Variants in AKNAD1 observed in about 807,000 individuals in gnomAD.
AKNAD1 encodes AKNA domain containing 1.
Under a neutral mutation model 90.8 loss-of-function variants are expected in AKNAD1, and 67 were observed. The observed-to-expected ratio is 0.74, with a 90% CI of 0.61 to 0.90. The LOEUF is 0.90. Ranked by LOEUF, AKNAD1 falls within the 40% of genes least tolerant of loss-of-function variation. AKNAD1 has a pLI of 0.00. For synonymous variants in AKNAD1, 327 were observed against 341.4 expected (o/e 0.96, Z 0.46); for missense variants, 957 against 975.4 (o/e 0.98, Z 0.25).
rs770782439 is a variant in AKNAD1 at position 108,851,645 on chromosome 1, G to A, written c.993+27C>T. On this transcript the variant is annotated intron_variant, in intron 2 of 15. Coordinates refer to ENST00000370001, the MANE Select transcript of AKNAD1 (RefSeq NM_152763.5). ...GAGATAAGCAGTGGTCCCAATTAAT[G>A]TGTTTACAGGAGACTGTTTCATTTA... The A allele has an allele frequency of 8.5e-6, 13 of 1,532,602 alleles. No individual in the cohort carries two copies. In the Admixed American group the frequency reaches 1.1e-4, roughly 12 times the overall value. The allele number at this position is 1,532,602 out of a possible 1,614,324, so 94.9% of individuals were successfully genotyped here.
At chr1:108,841,008 T>A (rs1664534869) in intron 6 of AKNAD1, among the ~76,000 whole-genome samples, 1 of 151,964 alleles carries the variant, frequency 6.6e-6, no homozygotes. Context: ...CCGTCTTTAC[T>A]AAAAATATGA....
At chr1:108,843,697 G>T (rs1052315400) in intron 5 of AKNAD1, among the ~76,000 whole-genome samples, 2 of 152,208 alleles carry the variant, frequency 1.3e-5, no homozygotes, top group African/African-American at 4.8e-5. Context: ...GGAAATTGGA[G>T]CTCTAGCAAT....
chr1:108,820,180 G>T lies in AKNAD1; in HGVS notation c.2249+365C>A, dbSNP rs184053098. On this transcript the variant is annotated intron_variant, in intron 14 of 15. Transcript: ENST00000370001. ...TCACTGCCCCCAGATCCCCTTGCTA[G>T]TTCGTTCATACTTATCCTTCGAAGC... Among the ~76,000 whole-genome samples, 64 of 152,254 alleles carry T rather than the reference G, an allele frequency of 4.2e-4. 1 individual carries two copies. Among genetic ancestry groups the T allele is most frequent in the South Asian group, 3.3e-3 (16 of 4,824 alleles).
At chr1:108,850,029 G>A (rs1014374662) in intron 2 of AKNAD1, among the ~76,000 whole-genome samples, 1 of 152,182 alleles carries the variant, frequency 6.6e-6, no homozygotes, top group African/African-American at 2.4e-5. Context: ...TGCTGGTGCT[G>A]TCACTAACAC....
chr1:108,845,642 C>G (rs1035551705), intron 5 of AKNAD1, among the ~76,000 whole-genome samples: 1 of 152,240 alleles, frequency 6.6e-6, no homozygotes, highest in African/African-American at 2.4e-5. Context: ...TGCCAGAACC[C>G]TGACTGACAC....
intron 7 of AKNAD1, among the ~76,000 whole-genome samples, chr1:108,836,269 C>T (rs1664383005): frequency 6.6e-6 from 1 of 152,212 alleles, no homozygotes; most frequent in Non-Finnish European, 1.5e-5. Context: ...AGCAGGGCAG[C>T]CGCTGTGAGC....
Position 108,815,915 on chromosome 1 carries a change from C to A in AKNAD1, c.*256G>T, listed in dbSNP as rs941882904. 1.3e-5 allele frequency: 3 copies of A among 230,592 alleles called. No homozygotes were observed. Among genetic ancestry groups the A allele is most frequent in the Non-Finnish European group, 2.5e-5 (3 of 121,352 alleles). 14.3% of individuals were successfully genotyped at this position (230,592 alleles called of 1,614,324 possible). A position where few individuals can be genotyped will look rare whatever the true frequency, so the allele number is the denominator to read the frequency against. ...GAAATTCATTGTTTTGTTTTGATTT[C>A]TTTTATTATGAGTTAAGAAGAACAT... On this transcript the variant is annotated 3_prime_UTR_variant, in exon 16 of 16. Transcript: ENST00000370001.
Position 108,852,084 on chromosome 1 carries a change from G to T in AKNAD1, c.581C>A (p.Thr194Asn), listed in dbSNP as rs746401089. The part of the protein sequence containing the change: ...PGSATTTEEN[T>N]SDLEGPVAAG... ...AGCCACTGGCCCTTCTAAATCAGAGGTATTTTCCTCTGTCGTGGTGGCAGA... is the reference window on the plus strand; with the variant it reads ...AGCCACTGGCCCTTCTAAATCAGAGTTATTTTCCTCTGTCGTGGTGGCAGA... Residue 194 changes from threonine to asparagine, a missense_variant, in exon 2 of 16, where the codon ACC becomes AAC. Thr to Asn is a moderately conservative substitution (Grantham distance 65, BLOSUM62 0). Transcript: ENST00000370001. The T allele has an allele frequency of 1.2e-6, 2 of 1,614,130 alleles. No homozygotes were observed. Among genetic ancestry groups the T allele is most frequent in the Non-Finnish European group, 1.7e-6 (2 of 1,180,016 alleles).
At chr1:108,835,204 C>G in intron 7 of AKNAD1, 148 bp from the exon 8 acceptor site, 1 of 833,754 alleles carries the variant, frequency 1.2e-6, no homozygotes, top group Non-Finnish European at 1.8e-6. Flanking sequence ...AGCTCTTTAC[C>G]TAGCTGTCTT....
Position 108,817,100 on chromosome 1 carries a change from G to A in AKNAD1, c.2327C>T (p.Ser776Phe). 6.2e-7 allele frequency: 1 copy of A among 1,614,128 alleles called. No individual in the cohort carries two copies. The highest frequency in any genetic ancestry group is 1.3e-5 in the African/African-American group (1 of 75,028). Reference protein sequence around the residue: ...PSPHFYSCRISGSKSLCDFDS... With the variant: ...PSPHFYSCRIFGSKSLCDFDS... The stretch of plus-strand genomic sequence containing the variant: ...AAAGTCACATAAGGATTTGCTTCCA[G>A]AAATCCTGCAGGAGTAGAAATGGGG... Residue 776 changes from serine to phenylalanine, a missense_variant, in exon 15 of 16, where the codon TCT (serine) becomes TTT (phenylalanine). Coordinates refer to ENST00000370001, the MANE Select transcript of AKNAD1 (RefSeq NM_152763.5).
At chr1:108,836,494 G>T (rs1317766767) in intron 7 of AKNAD1, among the ~76,000 whole-genome samples, 1 of 151,730 alleles carries the variant, frequency 6.6e-6, no homozygotes, top group Non-Finnish European at 1.5e-5. Context: ...GGGCTTGGGG[G>T]TGAGGAGGGT....
intron 7 of AKNAD1, chr1:108,836,976 A>T (rs1664403951): frequency 6.6e-6 from 1 of 152,306 alleles, no homozygotes; most frequent in Admixed American, 6.5e-5. Flanking sequence ...TCATGCCTGT[A>T]ATCCCAACAC....
chr1:108,822,632 G>A (rs1663853638), intron 13 of AKNAD1, among the ~76,000 whole-genome samples: 1 of 152,138 alleles, frequency 6.6e-6, no homozygotes, highest in Non-Finnish European at 1.5e-5. Flanking sequence ...TCTCCCTGGT[G>A]CCCTCTCCCA....
At chr1:108,817,316 C>T in intron 14 of AKNAD1, 139 bp from the exon 15 acceptor site, 8 of 1,068,286 alleles carry the variant, frequency 7.5e-6, no homozygotes, top group Non-Finnish European at 1.0e-5. Flanking sequence ...CCTCCTAGCT[C>T]TCATACTCCC....
At chr1:108,847,539 C>T (rs976161101) in intron 5 of AKNAD1, among the ~76,000 whole-genome samples, 2 of 152,024 alleles carry the variant, frequency 1.3e-5, no homozygotes, top group African/African-American at 4.8e-5. Context: ...TACCCCTGTC[C>T]ACCTCCCCTG....
At chr1:108,832,628 TTC>T (rs777702135) in intron 9 of AKNAD1, among the ~76,000 whole-genome samples, 2 of 152,222 alleles carry the variant, frequency 1.3e-5, no homozygotes, top group Non-Finnish European at 2.9e-5. Flanking sequence ...CCTTAATATT[TTC>T]TCAGTTGTCT....
intron 14 of AKNAD1, among the ~76,000 whole-genome samples, chr1:108,819,648 A>C (rs1663747581): frequency 1.3e-5 from 2 of 151,890 alleles, no homozygotes; most frequent in African/African-American, 4.8e-5. Context: ...GGGGGGCCAG[A>C]CACCTGTAAT....
At chr1:108,818,161 G>A (rs996713038) in intron 14 of AKNAD1, among the ~76,000 whole-genome samples, 2 of 152,172 alleles carry the variant, frequency 1.3e-5, no homozygotes, top group Non-Finnish European at 2.9e-5. Flanking sequence ...GGCCCTGAGG[G>A]ATGCCATGAG....
chr1:108,834,696 C>T (rs1175638318), intron 8 of AKNAD1, among the ~76,000 whole-genome samples, 168 bp from the exon 9 acceptor site: 1 of 151,952 alleles, frequency 6.6e-6, no homozygotes, highest in East Asian at 1.9e-4. Flanking sequence ...TTCACCTCTC[C>T]CCGCGTCCCC....
Sources: gnomAD v4.1 joint callset for allele counts (sites outside exome capture counted in the v4.1 genomes callset) on GRCh38, gnomAD v4.1.1 for gene constraint, MANE v1.5 for transcripts, NCBI Gene and HGNC (gene_info 2026-07-23, HGNC 2026-07-21) for gene names.